The following L3MBTL4 variants were observed in gnomAD, a reference collection of about 807,000 sequenced individuals.
L3MBTL4 encodes L3MBTL histone methyl-lysine binding protein 4, also known as lethal(3)malignant brain tumor-like protein 4.
Under a neutral mutation model 84.5 loss-of-function variants are expected in L3MBTL4, and 70 were observed. The observed-to-expected ratio is 0.83, with a 90% CI of 0.68 to 1.01. The LOEUF (loss-of-function observed/expected upper bound fraction) is 1.01. Ranked by LOEUF, L3MBTL4 falls within the 50% of genes least tolerant of loss-of-function variation. L3MBTL4 has a pLI of 0.00. For missense variants in L3MBTL4, 715 were observed against 754.8 expected, an observed-to-expected ratio of 0.95 and a Z score of 0.62; for synonymous variants, 274 against 259.8, an observed-to-expected ratio of 1.05 and a Z score of -0.52.
chr18:6,371,485 C>T (rs2054158865), intron 1 of L3MBTL4, among the ~76,000 whole-genome samples: 1 of 152,098 alleles, frequency 6.6e-6, no homozygotes, highest in Admixed American at 6.5e-5. Context: ...GCAACACACC[C>T]AGGAAATTCA....
intron 16 of L3MBTL4, among the ~76,000 whole-genome samples, chr18:5,989,983 CCAGGTGA>C (rs1158639075): frequency 1.3e-5 from 2 of 152,152 alleles, no homozygotes; most frequent in African/African-American, 2.4e-5. Flanking sequence ...AAAGATACAA[CCAGGTGA>C]CAGGTGGCGT....
chr18:6,334,726 T>C (rs1415101012), intron 1 of L3MBTL4, among the ~76,000 whole-genome samples: 1 of 152,142 alleles, frequency 6.6e-6, no homozygotes, highest in East Asian at 1.9e-4. Flanking sequence ...TACCTTCTAG[T>C]TTATGAAAGA....
At chr18:6,139,744 C>T (rs1598880368) in intron 13 of L3MBTL4, among the ~76,000 whole-genome samples, 1 of 152,104 alleles carries the variant, frequency 6.6e-6, no homozygotes, top group Non-Finnish European at 1.5e-5. Flanking sequence ...ACATGGCTTC[C>T]CACAGCCCTC....
chr18:6,210,782 T>C (rs2046072264), intron 12 of L3MBTL4, among the ~76,000 whole-genome samples: 1 of 152,204 alleles, frequency 6.6e-6, no homozygotes, highest in Non-Finnish European at 1.5e-5. Flanking sequence ...GTAATTCCAA[T>C]CAAACTTCCT....
intron 5 of L3MBTL4, among the ~76,000 whole-genome samples, chr18:6,245,616 G>A (rs1348661873): frequency 6.9e-6 from 1 of 145,926 alleles, no homozygotes; most frequent in African/African-American, 2.6e-5. Flanking sequence ...CTGAGACAAG[G>A]TCTCACTCTG....
At chr18:5,976,338 C>A (rs373082917) in intron 16 of L3MBTL4, among the ~76,000 whole-genome samples, 2 of 152,198 alleles carry the variant, frequency 1.3e-5, no homozygotes, top group East Asian at 1.9e-4. Context: ...CTTCTGATTA[C>A]GTTAAATACG....
At chr18:6,063,332 TG>T in intron 16 of L3MBTL4, among the ~76,000 whole-genome samples, 1 of 151,610 alleles carries the variant, frequency 6.6e-6, no homozygotes, top group East Asian at 1.9e-4. Flanking sequence ...TGTGTGTGTG[TG>T]TGTGTATCTT....
intron 3 of L3MBTL4, 130 bp downstream of exon 3, chr18:6,311,424 C>T (rs1345225274): frequency 1.4e-6 from 1 of 704,736 alleles, no homozygotes; most frequent in East Asian, 2.6e-5. Context: ...ACATAAAGCT[C>T]AAGCAGAAGC....
At chr18:6,281,726 A>T (rs770090523) in intron 4 of L3MBTL4, among the ~76,000 whole-genome samples, 1 of 152,248 alleles carries the variant, frequency 6.6e-6, no homozygotes, top group Non-Finnish European at 1.5e-5. Flanking sequence ...GACAACAACT[A>T]GCTGAGAAAA....
chr18:6,389,154 A>T (rs2054943511), intron 1 of L3MBTL4, among the ~76,000 whole-genome samples: 1 of 152,224 alleles, frequency 6.6e-6, no homozygotes. Flanking sequence ...CCCTCATTAA[A>T]CAGAAGAACT....
intron 18 of L3MBTL4, among the ~76,000 whole-genome samples, chr18:5,956,665 ATTG>A (rs2095228731): frequency 6.6e-6 from 1 of 152,204 alleles, no homozygotes; most frequent in Admixed American, 6.5e-5. Flanking sequence ...CTACATTTCT[ATTG>A]TTGTCTTTTA....
chr18:6,221,969 T>C (rs1391525429), intron 10 of L3MBTL4, among the ~76,000 whole-genome samples: 1 of 152,200 alleles, frequency 6.6e-6, no homozygotes, highest in African/African-American at 2.4e-5. Flanking sequence ...ACTAATTGTC[T>C]TGTATGAAAT....
intron 16 of L3MBTL4, among the ~76,000 whole-genome samples, chr18:6,069,831 GC>G (rs2057524324): frequency 6.6e-6 from 1 of 152,110 alleles, no homozygotes. Flanking sequence ...AAATTAGATG[GC>G]AAGATAGAGA....
intron 16 of L3MBTL4, among the ~76,000 whole-genome samples, chr18:6,056,415 TA>T (rs2057023024): frequency 6.6e-6 from 1 of 152,200 alleles, no homozygotes; most frequent in Non-Finnish European, 1.5e-5. Flanking sequence ...GGGCCCCTGC[TA>T]GGCAGGAGGC....
chr18:6,361,270 C>T (rs918732270), intron 1 of L3MBTL4, among the ~76,000 whole-genome samples: 3 of 152,160 alleles, frequency 2.0e-5, no homozygotes, highest in African/African-American at 7.2e-5. Context: ...CAGATCTTCT[C>T]ACACTAAATT....
At chr18:6,295,762 T>C (rs1179230929) in intron 4 of L3MBTL4, among the ~76,000 whole-genome samples, 2 of 152,226 alleles carry the variant, frequency 1.3e-5, no homozygotes, top group East Asian at 3.9e-4. Context: ...AGTGGAAATA[T>C]AATTCTTTAG....
At chr18:5,983,278 T>C (rs1293194975) in intron 16 of L3MBTL4, among the ~76,000 whole-genome samples, 1 of 152,240 alleles carries the variant, frequency 6.6e-6, no homozygotes, top group Non-Finnish European at 1.5e-5. Flanking sequence ...ACACGGCTAC[T>C]TTCTACTTCA....
At chr18:6,060,807 A>G (rs1046468999) in intron 16 of L3MBTL4, among the ~76,000 whole-genome samples, 1 of 152,144 alleles carries the variant, frequency 6.6e-6, no homozygotes, top group Non-Finnish European at 1.5e-5. Flanking sequence ...ATATGCAATT[A>G]AGGCTCCTTC....
intron 16 of L3MBTL4, among the ~76,000 whole-genome samples, chr18:5,994,681 GAC>G (rs891376403): frequency 6.6e-6 from 1 of 152,056 alleles, no homozygotes; most frequent in African/African-American, 2.4e-5. Context: ...TGCCTCCAGC[GAC>G]AGAGAGTTAC....
Sources: allele counts gnomAD v4.1 joint callset (sites outside exome capture counted in the v4.1 genomes callset), GRCh38; gene constraint gnomAD v4.1.1; transcripts MANE v1.5; gene names NCBI Gene and HGNC (gene_info 2026-07-23, HGNC 2026-07-21).